Variants in DNAH17 observed in about 807,000 individuals in gnomAD.
DNAH17 encodes the protein dynein axonemal heavy chain 17, also known as axonemal beta dynein heavy chain 17.
Under a neutral mutation model 485.6 loss-of-function variants are expected in DNAH17, and 376 were observed. The ratio of observed to expected loss-of-function variants is 0.77; its 90% CI spans 0.71 to 0.84. DNAH17 has a LOEUF of 0.84. Among genes scored for constraint, DNAH17 ranks in the 40% least tolerant of loss-of-function variants. The probability of loss-of-function intolerance (pLI) is 0.00; values close to 1 mark genes in which losing one functional copy is unlikely to be tolerated. For synonymous variants in DNAH17, 3,031 were observed against 2,405.9 expected, an observed-to-expected ratio of 1.26 and a Z score of -7.60; for missense variants, 6,370 against 5,839.3, an observed-to-expected ratio of 1.09 and a Z score of -2.96.
intron 1 of DNAH17, among the ~76,000 whole-genome samples, chr17:78,576,969 G>A (rs1388737729): frequency 1.3e-5 from 2 of 152,178 alleles, no homozygotes; most frequent in Non-Finnish European, 2.9e-5. Context: ...GGCTTCTCTG[G>A]GAGGTGGCCC....
intron 72 of DNAH17, 134 bp from the exon 73 acceptor site, chr17:78,439,351 T>C (rs909785035): frequency 8.2e-6 from 9 of 1,100,660 alleles, no homozygotes; most frequent in African/African-American, 3.2e-5. Flanking sequence ...GACATAAAAC[T>C]TGCTGTTTTA....
intron 19 of DNAH17, chr17:78,532,992 A>AGTGT: frequency 2.9e-6 from 1 of 345,474 alleles, no homozygotes; most frequent in Non-Finnish European, 5.3e-6. Context: ...CCTGGGCTCA[A>AGTGT]GCGATCCTCC....
chr17:78,484,346 T>C (rs2089490142), intron 48 of DNAH17, among the ~76,000 whole-genome samples: 1 of 151,562 alleles, frequency 6.6e-6, no homozygotes, highest in Non-Finnish European at 1.5e-5. Flanking sequence ...CGTGGCAATC[T>C]CTCCACCCAG....
Position 78,478,244 on chromosome 17 carries a change from T to TCACCACCATCACCATTATCATCTC in DNAH17, c.7992+757_7992+780dup, listed in dbSNP as rs1270905948. On this transcript the variant is annotated intron_variant, in intron 51 of 80. Transcript: ENST00000389840. ...CACCACATCACCATCACCACCATCA[T>TCACCACCATCACCATTATCATCTC]CACCACCATCACCATTATCATCTCC... Among the ~76,000 whole-genome samples, 149 of 130,410 alleles carry TCACCACCATCACCATTATCATCTC rather than the reference T, an allele frequency of 1.1e-3. 1 individual carries two copies. The highest frequency in any genetic ancestry group is 8.6e-4 in the African/African-American group (27 of 31,354). 85.6% of individuals were successfully genotyped at this position (130,410 alleles called of 152,430 possible).
At chr17:78,463,301 CTTA>C (rs1458078484) in intron 56 of DNAH17, among the ~76,000 whole-genome samples, 4 of 152,224 alleles carry the variant, frequency 2.6e-5, no homozygotes, top group Admixed American at 2.6e-4. Flanking sequence ...CACAGCAGAG[CTTA>C]TTATCATTAT....
chr17:78,449,670 T>G, intron 68 of DNAH17, 86 bp from the exon 69 acceptor site: 1 of 1,370,758 alleles, frequency 7.3e-7, no homozygotes. Flanking sequence ...CCACCTGTGG[T>G]GGCCTCCAGT....
At position 78,429,243 on chromosome 17, in the gene DNAH17, TG is replaced by T; in HGVS notation, c.12282del (p.Thr4095GlnfsTer70). 6.2e-7 allele frequency: 1 copy of T among 1,613,912 alleles called. No homozygotes were observed. Among genetic ancestry groups the T allele is most frequent in the Non-Finnish European group, 8.5e-7 (1 of 1,179,884 alleles). On this transcript the variant is annotated frameshift_variant, in exon 76 of 81. Transcript: ENST00000389840. LOFTEE classifies it high-confidence loss of function. ...LFGEIMYGGH[I>X]TDDWDRRLCR... ...CACAGCCGACGGTCCCAGTCATCTGTGATGTGGCCGCCATACATGATTTCAC... is the reference window on the plus strand; with the variant it reads ...CACAGCCGACGGTCCCAGTCATCTGTATGTGGCCGCCATACATGATTTCAC...
At chr17:78,498,928 T>G (rs2090172159) in intron 37 of DNAH17, 80 bp downstream of exon 37, 1 of 1,110,278 alleles carries the variant, frequency 9.0e-7, no homozygotes, top group East Asian at 2.7e-5. Context: ...AAGGAGGGTC[T>G]ATCTGGCGTG....
chr17:78,528,730 C>T (rs1301002629), intron 22 of DNAH17, among the ~76,000 whole-genome samples: 1 of 152,110 alleles, frequency 6.6e-6, no homozygotes, highest in African/African-American at 2.4e-5. Context: ...CTCCCACCCT[C>T]GCCCAGCCTG....
chr17:78,459,850 G>T lies in DNAH17; in HGVS notation c.9587C>A (p.Thr3196Asn). The T allele has an allele frequency of 1.2e-6, 2 of 1,614,054 alleles. No homozygotes were observed. Among genetic ancestry groups the T allele is most frequent in the East Asian group, 2.2e-5 (1 of 44,882 alleles). ...AAKIMMGKVD[T>N]FLDSLKKFDK... ...GAACTTCTTCAGGGAGTCTAGGAAG[G>T]TGTCCACCTTGCCCATCATGATCTT... The change falls in exon 60 of 81, where the codon ACC (threonine) becomes AAC (asparagine). Residue 3196 changes from threonine to asparagine, a missense_variant. Coordinates refer to ENST00000389840, the MANE Select transcript of DNAH17 (RefSeq NM_173628.4).
At position 78,485,303 on chromosome 17, in the gene DNAH17, G is replaced by A. The variant is rs1019360439; in HGVS notation, c.7483+247C>T. 4 of 616,772 alleles carry A rather than the reference G, an allele frequency of 6.5e-6. No homozygotes were observed. The African/African-American group carries it at 7.4e-5, about 11-fold the overall frequency. The allele number at this position is 616,772 out of a possible 1,614,324, so 38.2% of individuals were successfully genotyped here. On this transcript the variant is annotated intron_variant, in intron 47 of 80. Coordinates refer to ENST00000389840, the MANE Select transcript of DNAH17 (RefSeq NM_173628.4). ...TAGATTGGCTGAGACACTCCCGGGGGACCTGCTGCCTCGACTGGCCATCAA... is the reference window on the plus strand; with the variant it reads ...TAGATTGGCTGAGACACTCCCGGGGAACCTGCTGCCTCGACTGGCCATCAA...
At chr17:78,483,436 C>A (rs970573471) in intron 48 of DNAH17, among the ~76,000 whole-genome samples, 14 of 152,068 alleles carry the variant, frequency 9.2e-5, no homozygotes, top group Admixed American at 4.6e-4. Context: ...TAGAGACCTG[C>A]CTGGCCAATA....
intron 51 of DNAH17, among the ~76,000 whole-genome samples, chr17:78,478,104 C>CATT (rs200472933): frequency 0.02 from 2,894 of 145,444 alleles, 106 homozygotes; most frequent in African/African-American, 0.072. Flanking sequence ...CCACCATCAT[C>CATT]ATCATCTCCA....
At chr17:78,438,438 AGGAG>A (rs2086932309) in intron 73 of DNAH17, among the ~76,000 whole-genome samples, 1 of 75,004 alleles carries the variant, frequency 1.3e-5, no homozygotes, top group South Asian at 5.8e-4. Flanking sequence ...GAGGAGGAGG[AGGAG>A]GAGGGAGGAG....
chr17:78,484,836 A>C, intron 48 of DNAH17, 32 bp downstream of exon 48: 4 of 1,299,586 alleles, frequency 3.1e-6, no homozygotes, highest in Non-Finnish European at 4.0e-6. Flanking sequence ...CCCCGGGGCC[A>C]CGCCTTCCCC....
rs772665692 is a variant in DNAH17, at chr17:78,454,461, C to G, written c.10406+9G>C. ...CGGGCTTCGGCCCAGGTCCTGCGCCCGCACACACCTCTTCTGTCCCAGGCG... is the reference window on the plus strand; with the variant it reads ...CGGGCTTCGGCCCAGGTCCTGCGCCGGCACACACCTCTTCTGTCCCAGGCG... On this transcript the variant is annotated intron_variant, in intron 64 of 80. Transcript: ENST00000389840. 6.2e-7 allele frequency: 1 copy of G among 1,606,108 alleles called. No individual in the cohort carries two copies. Among genetic ancestry groups the G allele is most frequent in the South Asian group, 1.1e-5 (1 of 89,774 alleles).
At chr17:78,454,876 C>T (rs1023663605) in intron 63 of DNAH17, among the ~76,000 whole-genome samples, 171 bp from the exon 64 acceptor site, 4 of 151,994 alleles carry the variant, frequency 2.6e-5, no homozygotes, top group African/African-American at 4.8e-5. Flanking sequence ...CTTTGTAACT[C>T]GGCCAGAAAC....
intron 54 of DNAH17, among the ~76,000 whole-genome samples, chr17:78,472,283 G>C (rs944371190): frequency 2.8e-5 from 4 of 144,630 alleles, no homozygotes; most frequent in South Asian, 2.1e-4. Flanking sequence ...GGGGTGCGAG[G>C]GTTAGGGTTA....
intron 26 of DNAH17, 124 bp downstream of exon 26, chr17:78,514,650 T>C: frequency 7.5e-7 from 1 of 1,335,750 alleles, no homozygotes; most frequent in South Asian, 1.5e-5. Context: ...AAGCCAGCCC[T>C]GCCCACATTG....
Sources: gnomAD v4.1 joint callset for allele counts (sites outside exome capture counted in the v4.1 genomes callset) on GRCh38, gnomAD v4.1.1 for gene constraint, MANE v1.5 for transcripts, NCBI Gene and HGNC (gene_info 2026-07-23, HGNC 2026-07-21) for gene names.